Variants in PPARA observed in about 807,000 individuals in gnomAD.
The protein encoded by PPARA is peroxisome proliferator activated receptor alpha, also known as peroxisome proliferator-activated receptor alpha.
A neutral mutation model predicts 42.2 loss-of-function variants in PPARA; 22 were observed. The observed-to-expected ratio is 0.52, with a 90% CI of 0.37 to 0.74. PPARA has a LOEUF of 0.74. PPARA is among the 30% of genes least tolerant of loss of function. The pLI, the probability that PPARA is intolerant of heterozygous loss-of-function variation, is 0.00. For missense variants in PPARA, 465 were observed against 608.2 expected (o/e 0.76, Z 2.48); for synonymous variants, 242 against 239.3 (o/e 1.01, Z -0.10).
In PPARA at chr22:46,183,461, G is replaced by A. The variant is rs1269109662; in HGVS notation, c.-43+6625G>A. 6.6e-6 allele frequency among the ~76,000 whole-genome samples: 1 copy of A among 152,218 alleles called. No individual in the cohort carries two copies. Among genetic ancestry groups the A allele is most frequent in the Non-Finnish European group, 1.5e-5 (1 of 68,034 alleles). On this transcript the variant is annotated intron_variant, in intron 3 of 8. Coordinates refer to ENST00000407236, the MANE Select transcript of PPARA (RefSeq NM_005036.6). This position sits in a 1 kb window ranked among gnomAD's most constrained non-coding sequence, Gnocchi z 5.5. ...AGTAATTCAGAATCTGGATTATCAG[G>A]TCAGGCTCAATGGCTCACGCCAGTA...
Position 46,200,344 on chromosome 22 carries a change from G to C in PPARA, c.208+1753G>C, listed in dbSNP as rs1031470392. Reference sequence around the variant, plus strand: ...TCATAGAGTACACTTAAACCCAGATGGTAGAGCCTGCTGCACACCGAGGCT... The same window carrying C: ...TCATAGAGTACACTTAAACCCAGATCGTAGAGCCTGCTGCACACCGAGGCT... On this transcript the variant is annotated intron_variant, in intron 4 of 8. Coordinates refer to ENST00000407236, the MANE Select transcript of PPARA (RefSeq NM_005036.6). The surrounding 1 kb of genome is among the most constrained non-coding windows in gnomAD (Gnocchi z 4.8). Among the ~76,000 whole-genome samples the C allele has an allele frequency of 3.2e-4, 49 of 152,260 alleles. No individual in the cohort carries two copies. The highest frequency in any genetic ancestry group is 1.1e-3 in the African/African-American group (47 of 41,474).
chr22:46,218,555 C>T, intron 6 of PPARA, 154 bp downstream of exon 6: 1 of 730,098 alleles, frequency 1.4e-6, no homozygotes, highest in Non-Finnish European at 1.7e-6. Flanking sequence ...AAAAGTCGCC[C>T]AGGCGCGGTG....
rs66856845 is a variant in PPARA at position 46,195,469 on chromosome 22, C to CT, written c.-42-2871dup. Among the ~76,000 whole-genome samples, 2 of 151,918 alleles carry CT rather than the reference C, an allele frequency of 1.3e-5. No individual in the cohort carries two copies. Among genetic ancestry groups the CT allele is most frequent in the Non-Finnish European group, 1.5e-5 (1 of 67,972 alleles). On this transcript the variant is annotated intron_variant, in intron 3 of 8. Transcript: ENST00000407236. This position sits in a 1 kb window ranked among gnomAD's most constrained non-coding sequence, Gnocchi z 4.6. The stretch of plus-strand genomic sequence containing the variant: ...AACCCTATGAAAGGTTAACAGTTCT[C>CT]TTATTTTTCCCTGTGTGCTATTTGA...
At chr22:46,226,742 G>A (rs890189147) in intron 7 of PPARA, among the ~76,000 whole-genome samples, 2 of 152,160 alleles carry the variant, frequency 1.3e-5, no homozygotes, top group Admixed American at 6.6e-5. Flanking sequence ...GCATGGTGGT[G>A]TGCGCCTGTG....
At chr22:46,175,628 G>A (rs1375329011) in intron 2 of PPARA, among the ~76,000 whole-genome samples, 2 of 151,838 alleles carry the variant, frequency 1.3e-5, no homozygotes, top group Non-Finnish European at 2.9e-5. Flanking sequence ...GCAGGAGAAT[G>A]GTGTGGACCC....
rs1935402561 is a variant in PPARA at position 46,225,930 on chromosome 22, C to G, written c.712-5862C>G. On this transcript the variant is annotated intron_variant, in intron 7 of 8. Transcript: ENST00000407236. This position sits in a 1 kb window ranked among gnomAD's most constrained non-coding sequence, Gnocchi z 4.1. ...CTGTGTGTACACACACACATGCATG[C>G]TCACACACATGCACCCAGGCACACA... 6.6e-6 allele frequency among the ~76,000 whole-genome samples: 1 copy of G among 151,822 alleles called. No individual in the cohort carries two copies. Among genetic ancestry groups the G allele is most frequent in the Admixed American group, 6.6e-5 (1 of 15,246 alleles).
intron 2 of PPARA, among the ~76,000 whole-genome samples, chr22:46,174,064 G>A (rs1928529929): frequency 6.6e-6 from 1 of 151,100 alleles, no homozygotes; most frequent in African/African-American, 2.4e-5. Context: ...TGTAGTCCCA[G>A]CTACTCGGGA....
chr22:46,154,742 G>A (rs892321495), intron 2 of PPARA, among the ~76,000 whole-genome samples: 26 of 150,748 alleles, frequency 1.7e-4, no homozygotes, highest in Non-Finnish European at 7.4e-5. Context: ...GCATGATCAC[G>A]GCCTATTGCA....
chr22:46,202,611 AC>A (rs1172528387), intron 4 of PPARA, among the ~76,000 whole-genome samples: 1 of 151,966 alleles, frequency 6.6e-6, no homozygotes, highest in Non-Finnish European at 1.5e-5. Context: ...GGAGGCGTGC[AC>A]CTCTTAAGCT....
At chr22:46,174,383 A>G (rs1190243523) in intron 2 of PPARA, among the ~76,000 whole-genome samples, 1 of 151,998 alleles carries the variant, frequency 6.6e-6, no homozygotes, top group Non-Finnish European at 1.5e-5. Flanking sequence ...AAGTGAAAGT[A>G]CTTCCAAATA....
chr22:46,214,748 G>A (rs1048582565), intron 4 of PPARA, among the ~76,000 whole-genome samples: 4 of 150,338 alleles, frequency 2.7e-5, no homozygotes, highest in Non-Finnish European at 4.4e-5. Flanking sequence ...GTGGATGGGA[G>A]ATGTGCAGGT....
chr22:46,154,125 T>C (rs1027928918), intron 2 of PPARA, among the ~76,000 whole-genome samples: 6 of 152,236 alleles, frequency 3.9e-5, no homozygotes, highest in African/African-American at 1.4e-4. Flanking sequence ...TGTGGGCTAC[T>C]GTCCGCAGTG....
At chr22:46,151,387 G>A (rs1008739358) in intron 1 of PPARA, among the ~76,000 whole-genome samples, 2 of 152,232 alleles carry the variant, frequency 1.3e-5, no homozygotes, top group African/African-American at 4.8e-5. Context: ...AGGTCTTTCC[G>A]GAGTCCCGGG....
chr22:46,164,823 A>G (rs1926798585), intron 2 of PPARA: 2 of 152,232 alleles, frequency 1.3e-5, no homozygotes, highest in African/African-American at 4.8e-5. Context: ...AATATGAGGA[A>G]AACATTAAGG....
At chr22:46,153,463 C>T (rs756927732) in intron 2 of PPARA, among the ~76,000 whole-genome samples, 5 of 152,124 alleles carry the variant, frequency 3.3e-5, no homozygotes, top group African/African-American at 9.7e-5. Context: ...GCCACCGCGC[C>T]GGGCCCTTTT....
rs1438016863 is a variant in PPARA at position 46,212,296 on chromosome 22, A to G, written c.209-2877A>G. ...GGTCTCAAACTCCTGAGCTCAAGTT[A>G]TCTGCCAGCCTCGGCCTCCCAAAGT... On this transcript the variant is annotated intron_variant, in intron 4 of 8. Coordinates refer to ENST00000407236, the MANE Select transcript of PPARA (RefSeq NM_005036.6). This position sits in a 1 kb window ranked among gnomAD's most constrained non-coding sequence, Gnocchi z 4.2. Among the ~76,000 whole-genome samples, 1 of 152,122 alleles carries G rather than the reference A, an allele frequency of 6.6e-6. No homozygotes were observed. Among genetic ancestry groups the G allele is most frequent in the Admixed American group, 6.6e-5 (1 of 15,266 alleles).
At position 46,243,730 on chromosome 22, in the gene PPARA, A is replaced by T. The variant is rs979523120; in HGVS notation, c.*8350A>T. On this transcript the variant is annotated 3_prime_UTR_variant, in exon 9 of 9. Coordinates refer to ENST00000407236, the MANE Select transcript of PPARA (RefSeq NM_005036.6). This position sits in a 1 kb window ranked among gnomAD's most constrained non-coding sequence, Gnocchi z 5.0. ...GGTACAGTTTTGCCTTAATGGTTTTAAAAAATAAACTATTTTTTAAAATTT... is the reference window on the plus strand; with the variant it reads ...GGTACAGTTTTGCCTTAATGGTTTTTAAAAATAAACTATTTTTTAAAATTT... The T allele has an allele frequency of 3.3e-5, 5 of 152,322 alleles. No homozygotes were observed. The highest frequency in any genetic ancestry group is 5.9e-5 in the Non-Finnish European group (4 of 68,018). 9.4% of individuals were successfully genotyped at this position (152,322 alleles called of 1,614,324 possible).
chr22:46,172,980 A>T (rs1928332142), intron 2 of PPARA, among the ~76,000 whole-genome samples: 1 of 152,324 alleles, frequency 6.6e-6, no homozygotes, highest in South Asian at 2.1e-4. Flanking sequence ...GCTTTACTTT[A>T]TAGCAGAAAA....
Position 46,192,315 on chromosome 22 carries a change from A to G in PPARA, c.-42-6027A>G, listed in dbSNP as rs964865219. 2.0e-5 allele frequency among the ~76,000 whole-genome samples: 3 copies of G among 152,222 alleles called. No individual in the cohort carries two copies. Among genetic ancestry groups the G allele is most frequent in the African/African-American group, 4.8e-5 (2 of 41,450 alleles). On this transcript the variant is annotated intron_variant, in intron 3 of 8. Coordinates refer to ENST00000407236, the MANE Select transcript of PPARA (RefSeq NM_005036.6). This position sits in a 1 kb window ranked among gnomAD's most constrained non-coding sequence, Gnocchi z 4.3. Reference sequence around the variant, plus strand: ...GAAGGAAGAGCTTCTTCTCCCATTTATAACTCATTTTAGCCTAATCTTCCA... The same window carrying G: ...GAAGGAAGAGCTTCTTCTCCCATTTGTAACTCATTTTAGCCTAATCTTCCA...
Sources: allele counts gnomAD v4.1 joint callset (sites outside exome capture counted in the v4.1 genomes callset), GRCh38; gene constraint gnomAD v4.1.1; non-coding constraint Gnocchi (gnomAD v3.1); transcripts MANE v1.5; gene names NCBI Gene and HGNC (gene_info 2026-07-23, HGNC 2026-07-21).